Variants in GAS7 observed in about 807,000 individuals in gnomAD.
The protein encoded by GAS7 is growth arrest-specific protein 7.
Under a neutral mutation model 71.1 loss-of-function variants are expected in GAS7, and 28 were observed. The observed-to-expected ratio is 0.39, with a 90% CI of 0.29 to 0.54. The LOEUF is 0.54. Ranked by LOEUF, GAS7 falls within the 20% of genes least tolerant of loss-of-function variation. The pLI, the probability that GAS7 is intolerant of heterozygous loss-of-function variation, is 0.62. For missense variants in GAS7, 436 were observed against 627.8 expected, an observed-to-expected ratio of 0.69 and a Z score of 3.27; for synonymous variants, 258 against 245.8, an observed-to-expected ratio of 1.05 and a Z score of -0.46.
intron 1 of GAS7, among the ~76,000 whole-genome samples, chr17:10,114,725 CA>C (rs1285508396): frequency 9.9e-5 from 15 of 150,764 alleles, no homozygotes; most frequent in African/African-American, 3.7e-4. Context: ...CACACACACA[CA>C]CACACACTGT....
chr17:9,989,236 G>A (rs554344467), intron 2 of GAS7, among the ~76,000 whole-genome samples: 9 of 152,198 alleles, frequency 5.9e-5, no homozygotes, highest in East Asian at 3.9e-4. Context: ...CACACTCACC[G>A]TGTCTGAGCT....
chr17:10,133,114 A>ATATATATATATATATAT, intron 1 of GAS7, among the ~76,000 whole-genome samples: 1 of 122,872 alleles, frequency 8.1e-6, no homozygotes. Flanking sequence ...TAGATTATAT[A>ATATATATATATATATAT]TTTTTATATT....
intron 1 of GAS7, among the ~76,000 whole-genome samples, chr17:10,073,935 C>G (rs775148616): frequency 1.3e-5 from 2 of 152,182 alleles, no homozygotes; most frequent in African/African-American, 2.4e-5. Context: ...ATTTATCCAC[C>G]TGTTTACTTA....
At chr17:10,016,613 A>C (rs1440137309) in intron 2 of GAS7, among the ~76,000 whole-genome samples, 3 of 146,074 alleles carry the variant, frequency 2.1e-5, no homozygotes, top group East Asian at 2.1e-4. Context: ...AAAAAAAAAA[A>C]AAAAAAAAAA....
chr17:10,175,049 T>C (rs2074363177), intron 1 of GAS7, among the ~76,000 whole-genome samples: 1 of 152,100 alleles, frequency 6.6e-6, no homozygotes. Context: ...TCTCACTATG[T>C]TGCCCAGGCT....
chr17:10,092,388 C>G (rs2073592884), intron 1 of GAS7, among the ~76,000 whole-genome samples: 1 of 152,172 alleles, frequency 6.6e-6, no homozygotes, highest in African/African-American at 2.4e-5. Flanking sequence ...AGAATCTAAA[C>G]AGTGAGGGCA....
chr17:10,079,597 C>T (rs2073435263), intron 1 of GAS7, among the ~76,000 whole-genome samples: 1 of 152,158 alleles, frequency 6.6e-6, no homozygotes, highest in South Asian at 2.1e-4. Flanking sequence ...TTAGATCTAC[C>T]TATAACCTGG....
intron 1 of GAS7, among the ~76,000 whole-genome samples, chr17:10,177,174 G>A (rs1042685233): frequency 6.6e-6 from 1 of 152,176 alleles, no homozygotes; most frequent in Non-Finnish European, 1.5e-5. Context: ...CTGGGGGAGA[G>A]CAAAGGCCAC....
In GAS7 at chr17:10,073,953, G is replaced by A. The variant is rs371995429; in HGVS notation, c.184-54056C>T. Among the ~76,000 whole-genome samples, 9 of 152,296 alleles carry A rather than the reference G, an allele frequency of 5.9e-5. No homozygotes were observed. The East Asian group carries it at 1.2e-3, about 20-fold the overall frequency. ...TATCCACCTGTTTACTTATTTATCT[G>A]TGCTTCATGCTTACTCAAACATTTA... On this transcript the variant is annotated intron_variant, in intron 1 of 13. Transcript: ENST00000432992.
At position 10,025,535 on chromosome 17, in the gene GAS7, C is replaced by T. The variant is rs183152603; in HGVS notation, c.184-5638G>A. On this transcript the variant is annotated intron_variant, in intron 1 of 13. Transcript: ENST00000432992. ...CTTGTCTCTTTATTTAAAAAAACAA[C>T]GCAACCCCCAAAATTTTCCCCTTAA... Among the ~76,000 whole-genome samples the T allele has an allele frequency of 5.3e-5, 8 of 151,586 alleles. No individual in the cohort carries two copies. The East Asian group carries it at 7.7e-4, about 15-fold the overall frequency.
At chr17:10,129,252 G>A (rs1052527848) in intron 1 of GAS7, among the ~76,000 whole-genome samples, 6 of 152,164 alleles carry the variant, frequency 3.9e-5, no homozygotes, top group African/African-American at 1.4e-4. Context: ...GAACACTCTT[G>A]GCCAGGCACC....
intron 3 of GAS7, among the ~76,000 whole-genome samples, chr17:9,971,911 G>T (rs3786093): frequency 0.45 from 68,796 of 151,976 alleles, 15,766 homozygotes; most frequent in South Asian, 0.5. Flanking sequence ...CCCGTTCCAC[G>T]GAGAACCCGT....
intron 1 of GAS7, among the ~76,000 whole-genome samples, chr17:10,190,210 T>C (rs1235803154): frequency 6.6e-6 from 1 of 152,152 alleles, no homozygotes; most frequent in Non-Finnish European, 1.5e-5. Context: ...CAGTTTTGCC[T>C]CATGGCCCAC....
At chr17:10,139,542 A>C (rs1353734886) in intron 1 of GAS7, among the ~76,000 whole-genome samples, 2 of 152,198 alleles carry the variant, frequency 1.3e-5, no homozygotes, top group Non-Finnish European at 2.9e-5. Context: ...AGAGGCACAG[A>C]TCAGATAATT....
At chr17:10,025,950 G>C (rs1427958264) in intron 1 of GAS7, among the ~76,000 whole-genome samples, 2 of 152,202 alleles carry the variant, frequency 1.3e-5, no homozygotes, top group African/African-American at 4.8e-5. Context: ...AAAAGATTCT[G>C]TTCCATTGCC....
rs2067480379 is a variant in GAS7 at position 9,913,026 on chromosome 17, A to G, written c.*4202T>C. On this transcript the variant is annotated 3_prime_UTR_variant, in exon 14 of 14. Coordinates refer to ENST00000432992, the MANE Select transcript of GAS7 (RefSeq NM_201433.2). ...GCAAAATTATAGGATCAGATAATCAATCAGGGTTGCCAGGGAAAGAGGGCA... is the reference window on the plus strand; with the variant it reads ...GCAAAATTATAGGATCAGATAATCAGTCAGGGTTGCCAGGGAAAGAGGGCA... 4.3e-6 allele frequency: 1 copy of G among 232,532 alleles called. No individual in the cohort carries two copies. The highest frequency in any genetic ancestry group is 8.5e-6 in the Non-Finnish European group (1 of 117,664). The allele number at this position is 232,532 out of a possible 1,614,324, so 14.4% of individuals were successfully genotyped here.
Position 9,959,397 on chromosome 17 carries a change from G to C in GAS7, c.472-142C>G. On this transcript the variant is annotated intron_variant, in intron 4 of 13. Transcript: ENST00000432992. This position sits in a 1 kb window ranked among gnomAD's most constrained non-coding sequence, Gnocchi z 5.0. Reference sequence around the variant, plus strand: ...TCCTAAGTCACCATATTCTGGGCCAGGGCAAGCAGGGGTCTCCCTGACCCC... The same window carrying C: ...TCCTAAGTCACCATATTCTGGGCCACGGCAAGCAGGGGTCTCCCTGACCCC... The C allele has an allele frequency of 6.7e-7, 1 of 1,494,010 alleles. No individual in the cohort carries two copies. Among genetic ancestry groups the C allele is most frequent in the East Asian group, 2.5e-5 (1 of 40,516 alleles). 92.5% of individuals were successfully genotyped at this position (1,494,010 alleles called of 1,614,324 possible). A position where few individuals can be genotyped will look rare whatever the true frequency, so the allele number is the denominator to read the frequency against.
rs550398880 is a variant in GAS7, at chr17:9,911,169, G to C, written c.*6059C>G. 8.6e-6 allele frequency: 2 copies of C among 233,226 alleles called. No homozygotes were observed. Among genetic ancestry groups the C allele is most frequent in the Non-Finnish European group, 1.7e-5 (2 of 118,070 alleles). 14.4% of individuals were successfully genotyped at this position (233,226 alleles called of 1,614,324 possible). A position where few individuals can be genotyped will look rare whatever the true frequency, so the allele number is the denominator to read the frequency against. Reference sequence around the variant, plus strand: ...GTCCACACAGCTGCCTGGAACCCACGACTCCCGAGAGCCCGTCTGCTGCAG... The same window carrying C: ...GTCCACACAGCTGCCTGGAACCCACCACTCCCGAGAGCCCGTCTGCTGCAG... On this transcript the variant is annotated 3_prime_UTR_variant, in exon 14 of 14. Coordinates refer to ENST00000432992, the MANE Select transcript of GAS7 (RefSeq NM_201433.2). The surrounding 1 kb of genome is among the most constrained non-coding windows in gnomAD (Gnocchi z 4.0).
intron 1 of GAS7, among the ~76,000 whole-genome samples, chr17:10,189,741 C>A (rs2074483318): frequency 6.6e-6 from 1 of 152,084 alleles, no homozygotes; most frequent in South Asian, 2.1e-4. Context: ...GAGTTGGAGA[C>A]CAGCCTGGCC....
Sources: allele counts gnomAD v4.1 joint callset (sites outside exome capture counted in the v4.1 genomes callset), GRCh38; gene constraint gnomAD v4.1.1; non-coding constraint Gnocchi (gnomAD v3.1); transcripts MANE v1.5; gene names NCBI Gene and HGNC (gene_info 2026-07-23, HGNC 2026-07-21).